The following PIEZO2 variants were observed in gnomAD, a reference collection of about 807,000 sequenced individuals.
PIEZO2 encodes piezo-type mechanosensitive ion channel component 2.
A neutral mutation model predicts 337.3 loss-of-function variants in PIEZO2; 172 were observed. That is an observed-to-expected ratio of 0.51 (90% CI 0.45 to 0.58). PIEZO2 has a LOEUF of 0.58. Among genes scored for constraint, PIEZO2 ranks in the 20% least tolerant of loss-of-function variants. The pLI is 0.00. For missense variants in PIEZO2, 3,028 were observed against 3,391.3 expected, an observed-to-expected ratio of 0.89 and a Z score of 2.66; for synonymous variants, 1,251 against 1,228.5, an observed-to-expected ratio of 1.02 and a Z score of -0.38.
At chr18:10,950,012 T>C (rs1266375066) in intron 3 of PIEZO2, among the ~76,000 whole-genome samples, 2 of 152,214 alleles carry the variant, frequency 1.3e-5, no homozygotes, top group Non-Finnish European at 2.9e-5. Flanking sequence ...GTTTTAAATC[T>C]TATGAAAACA....
At chr18:10,680,121 C>A in intron 52 of PIEZO2, 78 bp downstream of exon 52, 1 of 1,289,748 alleles carries the variant, frequency 7.8e-7, no homozygotes, top group Non-Finnish European at 1.1e-6. Flanking sequence ...TTCTTCCATC[C>A]CACCACACCC....
chr18:10,699,226 C>T lies in PIEZO2; in HGVS notation c.6442-49G>A, dbSNP rs1261423664. 5 of 1,531,984 alleles carry T rather than the reference C, an allele frequency of 3.3e-6. No homozygotes were observed. In the Admixed American group the frequency reaches 1.0e-4, roughly 31 times the overall value. 94.9% of individuals were successfully genotyped at this position (1,531,984 alleles called of 1,614,324 possible). A position where few individuals can be genotyped will look rare whatever the true frequency, so the allele number is the denominator to read the frequency against. On this transcript the variant is annotated intron_variant, in intron 43 of 55. Transcript: ENST00000674853. ...AATGAGGCTACTGTTTCAGGTGGAA[C>T]CCTTGGTATTCTGTCTTACAAAATC...
rs1231983919 is a variant in PIEZO2, at chr18:10,859,113, G to A, written c.493-1902C>T. ...AGTGATAAACTGGGTGGCTGTTTCCGATTCAGAGGTCAAGGAAAGCCTCTC... is the reference window on the plus strand; with the variant it reads ...AGTGATAAACTGGGTGGCTGTTTCCAATTCAGAGGTCAAGGAAAGCCTCTC... On this transcript the variant is annotated intron_variant, in intron 5 of 55. Coordinates refer to ENST00000674853, the MANE Select transcript of PIEZO2 (RefSeq NM_001378183.1). This position sits in a 1 kb window ranked among gnomAD's most constrained non-coding sequence, Gnocchi z 4.9. Among the ~76,000 whole-genome samples the A allele has an allele frequency of 6.6e-6, 1 of 152,112 alleles. No individual in the cohort carries two copies. The highest frequency in any genetic ancestry group is 1.5e-5 in the Non-Finnish European group (1 of 68,020).
intron 1 of PIEZO2, among the ~76,000 whole-genome samples, chr18:11,145,518 A>G (rs1014471984): frequency 1.3e-5 from 2 of 152,230 alleles, no homozygotes; most frequent in Admixed American, 6.5e-5. Flanking sequence ...ACAAAGGCTT[A>G]GCTTTGAAGG....
intron 2 of PIEZO2, among the ~76,000 whole-genome samples, chr18:11,034,459 AT>A (rs1568315182): frequency 6.6e-6 from 1 of 151,736 alleles, no homozygotes; most frequent in African/African-American, 2.4e-5. Context: ...CGCCAGGCTA[AT>A]TTTTTTGTAT....
rs1385974921 is a variant in PIEZO2, at chr18:11,033,093, G to A, written c.160+33034C>T. Among the ~76,000 whole-genome samples the A allele has an allele frequency of 6.6e-6, 1 of 152,196 alleles. No individual in the cohort carries two copies. Among genetic ancestry groups the A allele is most frequent in the African/African-American group, 2.4e-5 (1 of 41,442 alleles). On this transcript the variant is annotated intron_variant, in intron 2 of 55. Transcript: ENST00000674853. This position sits in a 1 kb window ranked among gnomAD's most constrained non-coding sequence, Gnocchi z 4.2. The stretch of plus-strand genomic sequence containing the variant: ...CTGGTCATATACGGACAAGAGGAGA[G>A]AAACAATAATAGACAGCACCTTTTG...
Position 10,759,769 on chromosome 18 carries a change from G to C in PIEZO2, c.3591C>G (p.Phe1197Leu). ...IAEIWPKYCC[F>L]LACIITFQYF... ...ACTGGAAGGTGATGATGCATGCCAG[G>C]AAGCAGCAGTACTTGGGCCAGATCT... Residue 1197 changes from phenylalanine to leucine, a missense_variant, in exon 25 of 56, where the codon TTC (phenylalanine) becomes TTG (leucine). Around this residue, in one of 5 missense-constraint regions of PIEZO2, gnomAD observed 1,925 missense variants for 2,051.9 expected, o/e 0.94. Coordinates refer to ENST00000674853, the MANE Select transcript of PIEZO2 (RefSeq NM_001378183.1). This position sits in a 1 kb window ranked among gnomAD's most constrained non-coding sequence, Gnocchi z 5.5. 6.5e-7 allele frequency: 1 copy of C among 1,537,318 alleles called. No homozygotes were observed. Among genetic ancestry groups the C allele is most frequent in the Non-Finnish European group, 8.7e-7 (1 of 1,146,920 alleles).
In PIEZO2 at chr18:10,973,165, T is replaced by A. The variant is rs561773250; in HGVS notation, c.286+6370A>T. ...ATCCATATCTATTACTAAAGGTGAA[T>A]CAAAATATCAACACGGCATTGGCCT... On this transcript the variant is annotated intron_variant, in intron 3 of 55. Transcript: ENST00000674853. This position sits in a 1 kb window ranked among gnomAD's most constrained non-coding sequence, Gnocchi z 4.9. Among the ~76,000 whole-genome samples the A allele has an allele frequency of 8.4e-4, 128 of 151,894 alleles. No homozygotes were observed. Among genetic ancestry groups the A allele is most frequent in the African/African-American group, 3.0e-3 (123 of 41,230 alleles).
chr18:11,091,193 G>A (rs1394614272), intron 1 of PIEZO2, among the ~76,000 whole-genome samples: 1 of 151,950 alleles, frequency 6.6e-6, no homozygotes, highest in Non-Finnish European at 1.5e-5. Context: ...AGAACAGCCT[G>A]GCCAGCATGA....
rs2041509485 is a variant in PIEZO2, at chr18:10,850,398, C to T, written c.917+4955G>A. Among the ~76,000 whole-genome samples, 1 of 152,186 alleles carries T rather than the reference C, an allele frequency of 6.6e-6. No homozygotes were observed. Among genetic ancestry groups the T allele is most frequent in the South Asian group, 2.1e-4 (1 of 4,832 alleles). ...ACATTATGTTGGCCTAGGACCTGGA[C>T]ACCTGTGCATCCTCCAGCAGAAGCA... On this transcript the variant is annotated intron_variant, in intron 7 of 55. Coordinates refer to ENST00000674853, the MANE Select transcript of PIEZO2 (RefSeq NM_001378183.1). This position sits in a 1 kb window ranked among gnomAD's most constrained non-coding sequence, Gnocchi z 4.5.
rs559143590 is a variant in PIEZO2, at chr18:10,823,329, C to T, written c.918-16055G>A. Among the ~76,000 whole-genome samples the T allele has an allele frequency of 2.0e-5, 3 of 152,266 alleles. No individual in the cohort carries two copies. In the East Asian group the frequency reaches 5.8e-4, roughly 29 times the overall value. ...TTATTTTGTATTTTGGAGATTACTT[C>T]TAACAAAAACAACCTGCCGCTTCTC... On this transcript the variant is annotated intron_variant, in intron 7 of 55. Transcript: ENST00000674853.
At chr18:10,778,809 CCATTCA>C (rs1265087398) in intron 18 of PIEZO2, among the ~76,000 whole-genome samples, 2 of 152,174 alleles carry the variant, frequency 1.3e-5, no homozygotes, top group Non-Finnish European at 2.9e-5. Context: ...GCATAAGCTC[CCATTCA>C]TGATATAAGT....
intron 7 of PIEZO2, among the ~76,000 whole-genome samples, chr18:10,845,807 T>C (rs2041339701): frequency 6.6e-6 from 1 of 152,238 alleles, no homozygotes; most frequent in African/African-American, 2.4e-5. Context: ...GGCATGTTTA[T>C]TTTAAGCATC....
Position 10,979,530 on chromosome 18 carries a change from C to T in PIEZO2, c.286+5G>A, listed in dbSNP as rs1438249987. On this transcript the variant is annotated splice_donor_5th_base_variant and intron_variant, in intron 3 of 55. Transcript: ENST00000674853. This position sits in a 1 kb window ranked among gnomAD's most constrained non-coding sequence, Gnocchi z 4.0. ...AACAATAAAAGAAAACACCATAATACTCACAGTTGTAGCCAGGTGCAATAC... is the reference window on the plus strand; with the variant it reads ...AACAATAAAAGAAAACACCATAATATTCACAGTTGTAGCCAGGTGCAATAC... The T allele has an allele frequency of 4.6e-6, 7 of 1,518,418 alleles. No individual in the cohort carries two copies. Among genetic ancestry groups the T allele is most frequent in the Non-Finnish European group, 6.2e-6 (7 of 1,135,252 alleles). 94.1% of individuals were successfully genotyped at this position (1,518,418 alleles called of 1,614,324 possible). A position where few individuals can be genotyped will look rare whatever the true frequency, so the allele number is the denominator to read the frequency against.
chr18:10,912,348 C>A (rs2030555777), intron 3 of PIEZO2, among the ~76,000 whole-genome samples: 1 of 152,160 alleles, frequency 6.6e-6, no homozygotes, highest in South Asian at 2.1e-4. Flanking sequence ...TTACATTTTC[C>A]TGATGCTTAG....
chr18:10,918,573 T>C (rs1460624027), intron 3 of PIEZO2, among the ~76,000 whole-genome samples: 1 of 152,078 alleles, frequency 6.6e-6, no homozygotes, highest in Non-Finnish European at 1.5e-5. Context: ...TCAACATATG[T>C]TCAATGGTGC....
rs376265500 is a variant in PIEZO2 at position 10,998,969 on chromosome 18, T to G, written c.161-19309A>C. ...GCCTCATTTACTCTACTTCTGAAAG[T>G]AATTCAGAGGCTATTTCCTTAGCCA... On this transcript the variant is annotated intron_variant, in intron 2 of 55. Transcript: ENST00000674853. Among the ~76,000 whole-genome samples, 114 of 152,066 alleles carry G rather than the reference T, an allele frequency of 7.5e-4. 1 individual carries two copies. The highest frequency in any genetic ancestry group is 2.7e-3 in the African/African-American group (111 of 41,506).
intron 52 of PIEZO2, among the ~76,000 whole-genome samples, chr18:10,679,860 C>A (rs1366849898): frequency 1.3e-5 from 2 of 152,260 alleles, no homozygotes; most frequent in South Asian, 4.1e-4. Context: ...ACCAATTGTA[C>A]ATTAAGCTAA....
At chr18:10,901,014 GATTT>G (rs2043032680) in intron 4 of PIEZO2, among the ~76,000 whole-genome samples, 1 of 152,110 alleles carries the variant, frequency 6.6e-6, no homozygotes, top group African/African-American at 2.4e-5. Context: ...ATAGAAAAAA[GATTT>G]ATTAAAAACA....
Sources: gnomAD v4.1 joint callset for allele counts (sites outside exome capture counted in the v4.1 genomes callset) on GRCh38, gnomAD v4.1.1 for gene constraint, gnomAD v4.1.1 regional missense constraint, Gnocchi (gnomAD v3.1) non-coding constraint, MANE v1.5 for transcripts, NCBI Gene and HGNC (gene_info 2026-07-23, HGNC 2026-07-21) for gene names.